The following TM6SF2 variants were observed in gnomAD, a reference collection of about 807,000 sequenced individuals.
The protein encoded by TM6SF2 is transmembrane 6 superfamily member 2.
A neutral mutation model predicts 41.0 loss-of-function variants in TM6SF2; 29 were observed. The ratio of observed to expected loss-of-function variants is 0.71; its 90% confidence interval spans 0.53 to 0.96. The LOEUF is 0.96. Among genes scored for constraint, TM6SF2 ranks in the 50% least tolerant of loss-of-function variants. The probability of loss-of-function intolerance (pLI) is 0.00; values close to 1 mark genes in which losing one functional copy is unlikely to be tolerated. For missense variants in TM6SF2, 475 were observed against 499.0 expected (o/e 0.95, Z 0.46); for synonymous variants, 200 against 209.1 (o/e 0.96, Z 0.37).
intron 7 of TM6SF2, 33 bp downstream of exon 7, chr19:19,267,953 A>AGGGGGG: frequency 1.4e-6 from 2 of 1,432,194 alleles, no homozygotes; most frequent in Non-Finnish European, 1.9e-6. Context: ...GACTGGTGGC[A>AGGGGGG]GGGGAGGGGG....
chr19:19,265,457 T>C (rs1248437949), intron 9 of TM6SF2, among the ~76,000 whole-genome samples: 1 of 151,830 alleles, frequency 6.6e-6, no homozygotes, highest in Non-Finnish European at 1.5e-5. Context: ...CTTGCTCTGT[T>C]GGCCAGGCTG....
At chr19:19,269,662 G>T in intron 5 of TM6SF2, 25 bp downstream of exon 5, 1 of 1,613,914 alleles carries the variant, frequency 6.2e-7, no homozygotes, top group Non-Finnish European at 8.5e-7. Flanking sequence ...AAGAGAACCT[G>T]GATTTCCCAA....
intron 2 of TM6SF2, 122 bp downstream of exon 2, chr19:19,270,900 T>G: frequency 1.2e-6 from 1 of 800,884 alleles, no homozygotes; most frequent in Non-Finnish European, 2.2e-6. Context: ...AGGTCTCCAG[T>G]CTGATGGGAG....
At position 19,270,335 on chromosome 19, in the gene TM6SF2, C is replaced by A. The variant is rs775787345; in HGVS notation, c.297+10G>T. The A allele has an allele frequency of 1.2e-6, 2 of 1,614,026 alleles. No individual in the cohort carries two copies. Among genetic ancestry groups the A allele is most frequent in the African/African-American group, 2.7e-5 (2 of 75,076 alleles). On this transcript the variant is annotated intron_variant, in intron 3 of 9. Coordinates refer to ENST00000389363, the MANE Select transcript of TM6SF2 (RefSeq NM_001001524.3). ...TGCGGTAGGGGGCTCCCTGGTCGTC[C>A]CCCAAGTACCTCCTTGGTGTAGAAC...
intron 3 of TM6SF2, 28 bp downstream of exon 3, chr19:19,270,317 G>A (rs777456748): frequency 6.2e-7 from 1 of 1,613,982 alleles, no homozygotes; most frequent in Non-Finnish European, 8.5e-7. Context: ...CAGTGCGGTA[G>A]GGGGCTCCCT....
At chr19:19,267,571 G>A in intron 8 of TM6SF2, 50 bp downstream of exon 8, 8 of 1,397,718 alleles carry the variant, frequency 5.7e-6, no homozygotes, top group Non-Finnish European at 8.0e-6. Context: ...GAGGCCCAGT[G>A]GACCCCTACC....
At chr19:19,269,560 C>G (rs759458881) in intron 5 of TM6SF2, 127 bp downstream of exon 5, 2 of 1,156,116 alleles carry the variant, frequency 1.7e-6, no homozygotes, top group East Asian at 2.4e-5. Flanking sequence ...GCTGTGGACA[C>G]GCAAAGAGGG....
Position 19,269,759 on chromosome 19 carries a change from G to A in TM6SF2, c.412C>T (p.Arg138Trp), listed in dbSNP as rs142056540. Reference protein sequence around the residue: ...AGAICRRKRYRNFGLYWLGSF... With the variant: ...AGAICRRKRYWNFGLYWLGSF... Reference sequence around the variant, plus strand: ...CCCAGCCAGTAGAGTCCAAAATTCCGGTATCTCTTCCTGAGCAGGGGATGG... The same window carrying A: ...CCCAGCCAGTAGAGTCCAAAATTCCAGTATCTCTTCCTGAGCAGGGGATGG... Residue 138 changes from arginine to tryptophan, a missense_variant, in exon 5 of 10, where the codon CGG (arginine) becomes TGG (tryptophan). Arg to Trp is a moderately radical substitution (Grantham distance 101, BLOSUM62 -3). Coordinates refer to ENST00000389363, the MANE Select transcript of TM6SF2 (RefSeq NM_001001524.3). The A allele has an allele frequency of 3.1e-4, 498 of 1,614,064 alleles. 1 individual carries two copies. The Admixed American group carries it at 7.5e-3, about 24-fold the overall frequency.
Position 19,268,690 on chromosome 19 carries a change from G to C in TM6SF2, c.549C>G (p.Cys183Trp). 2 of 1,592,970 alleles carry C rather than the reference G, an allele frequency of 1.3e-6. No homozygotes were observed. The highest frequency in any genetic ancestry group is 1.9e-5 in the Admixed American group (1 of 53,520). ...FLTIPYLLVP[C>W]WAGMKVFSQP... ...GGCTGAAGACCTTCATGCCAGCCCA[G>C]CATGGCACCAGCAGGTAGGGGATGG... Residue 183 changes from cysteine (C) to tryptophan (W), a missense_variant, in exon 6 of 10, where the codon TGC (cysteine) becomes TGG (tryptophan). Around this residue, in one of 3 missense-constraint regions of TM6SF2, gnomAD observed 47 missense variants for 80.3 expected, o/e 0.59. Transcript: ENST00000389363.
chr19:19,267,748 A>T (rs2061008427), intron 7 of TM6SF2, 35 bp from the exon 8 acceptor site: 3 of 1,595,612 alleles, frequency 1.9e-6, no homozygotes, highest in Non-Finnish European at 2.6e-6. Flanking sequence ...ACCCTCAGAC[A>T]TACCTCCCAC....
At chr19:19,264,914 A>T in intron 9 of TM6SF2, 41 bp from the exon 10 acceptor site, 1 of 1,434,528 alleles carries the variant, frequency 7.0e-7, no homozygotes, top group Non-Finnish European at 9.3e-7. Context: ...GGGGCCAGGA[A>T]GGAACTGAAA....
At position 19,269,909 on chromosome 19, in the gene TM6SF2, T is replaced by C. The variant is rs1348586250; in HGVS notation, c.402-140A>G. 2.0e-6 allele frequency: 3 copies of C among 1,535,384 alleles called. No individual in the cohort carries two copies. The South Asian group carries it at 3.8e-5, about 19-fold the overall frequency. ...CCAGGATGGAAGGGACAACAGGGAG[T>C]TGAACGGGGAAATAACAGTGAGACC... On this transcript the variant is annotated intron_variant, in intron 4 of 9. Transcript: ENST00000389363.
intron 9 of TM6SF2, among the ~76,000 whole-genome samples, chr19:19,266,286 C>A (rs1026173989): frequency 1.3e-5 from 2 of 152,180 alleles, no homozygotes; most frequent in African/African-American, 4.8e-5. Flanking sequence ...TCCTTCACAG[C>A]CCCTGTCCCT....
In TM6SF2 at chr19:19,267,601, T is replaced by G. The variant is rs751699956; in HGVS notation, c.804+20A>C. The G allele has an allele frequency of 6.3e-7, 1 of 1,597,430 alleles. No homozygotes were observed. Among genetic ancestry groups the G allele is most frequent in the South Asian group, 1.1e-5 (1 of 89,402 alleles). The stretch of plus-strand genomic sequence containing the variant: ...CCTACCCATGGCAGGGGTGTGGTCT[T>G]CTCCCCGCTCCCCTCTCACCTGCAC... On this transcript the variant is annotated intron_variant, in intron 8 of 9. Coordinates refer to ENST00000389363, the MANE Select transcript of TM6SF2 (RefSeq NM_001001524.3).
intron 7 of TM6SF2, 89 bp from the exon 8 acceptor site, chr19:19,267,802 G>A: frequency 7.7e-7 from 1 of 1,298,646 alleles, no homozygotes; most frequent in South Asian, 1.3e-5. Context: ...CCTTGCTCTG[G>A]CCTCTCCCAG....
chr19:19,268,497 C>T (rs983726579), intron 6 of TM6SF2, 133 bp downstream of exon 6: 21 of 1,345,152 alleles, frequency 1.6e-5, no homozygotes, highest in East Asian at 1.1e-4. Flanking sequence ...CATGAGCCAC[C>T]GCACCCAGCC....
intron 7 of TM6SF2, 133 bp downstream of exon 7, chr19:19,267,853 T>G: frequency 2.8e-6 from 3 of 1,076,056 alleles, no homozygotes; most frequent in Non-Finnish European, 1.4e-6. Context: ...TGGGGCTTTG[T>G]CATGGAACAC....
Position 19,266,598 on chromosome 19 carries a change from G to A in TM6SF2, c.816C>T (p.Tyr272=), listed in dbSNP as rs538720932. The A allele has an allele frequency of 3.5e-5, 56 of 1,613,566 alleles. No homozygotes were observed. In the East Asian group the frequency reaches 1.2e-3, roughly 33 times the overall value. ...VAYPKVQMLM[Y]MFYVLPFCGL... ...CGCAGAAAGGCAGGACATAAAACATGTACATCAGCATCTGCAGGGGCGGGA... is the reference window on the plus strand; with the variant it reads ...CGCAGAAAGGCAGGACATAAAACATATACATCAGCATCTGCAGGGGCGGGA... Residue 272 remains tyrosine (Y), a synonymous_variant, in exon 9 of 10, where the codon TAC becomes TAT. Coordinates refer to ENST00000389363, the MANE Select transcript of TM6SF2 (RefSeq NM_001001524.3).
intron 7 of TM6SF2, 46 bp from the exon 8 acceptor site, chr19:19,267,759 A>T (rs746675647): frequency 2.0e-5 from 32 of 1,571,190 alleles, no homozygotes; most frequent in Non-Finnish European, 2.8e-5. Flanking sequence ...TACCTCCCAC[A>T]GGAAGCCTCC....
Sources: gnomAD v4.1 joint callset for allele counts (sites outside exome capture counted in the v4.1 genomes callset) on GRCh38, gnomAD v4.1.1 for gene constraint, gnomAD v4.1.1 regional missense constraint, MANE v1.5 for transcripts, NCBI Gene and HGNC (gene_info 2026-07-23, HGNC 2026-07-21) for gene names.